The following ZNF106 variants were observed in gnomAD, a reference collection of about 807,000 sequenced individuals.
The protein encoded by ZNF106 is SH3-domain binding protein 3.
A neutral mutation model predicts 195.1 loss-of-function variants in ZNF106; 67 were observed. The ratio of observed to expected loss-of-function variants is 0.34; its 90% CI spans 0.28 to 0.42. The LOEUF (loss-of-function observed/expected upper bound fraction) is 0.42. Among genes scored for constraint, ZNF106 ranks in the 10% least tolerant of loss-of-function variants. The pLI is 1.00. For synonymous variants in ZNF106, 784 were observed against 818.6 expected, an observed-to-expected ratio of 0.96 and a Z score of 0.72; for missense variants, 2,118 against 2,304.5, an observed-to-expected ratio of 0.92 and a Z score of 1.66.
At chr15:42,490,028 A>T (rs190357786) in intron 1 of ZNF106, among the ~76,000 whole-genome samples, 270 of 152,026 alleles carry the variant, frequency 1.8e-3, no homozygotes, top group African/African-American at 6.3e-3. Context: ...GAAAGAGCGA[A>T]ACTCCGTCCT....
At chr15:42,452,826 C>T (rs944363628) in intron 4 of ZNF106, among the ~76,000 whole-genome samples, 1 of 151,612 alleles carries the variant, frequency 6.6e-6, no homozygotes, top group African/African-American at 2.4e-5. Context: ...GCTGGGATTA[C>T]AGGCATGCGC....
At chr15:42,422,747 A>G in intron 17 of ZNF106, 127 bp from the exon 18 acceptor site, 2 of 970,696 alleles carry the variant, frequency 2.1e-6, no homozygotes, top group East Asian at 2.9e-5. Flanking sequence ...AATTAATTGT[A>G]TTAACTGTAC....
intron 1 of ZNF106, among the ~76,000 whole-genome samples, chr15:42,481,955 C>T (rs1223608132): frequency 6.6e-6 from 1 of 152,100 alleles, no homozygotes; most frequent in African/African-American, 2.4e-5. Flanking sequence ...TTCTCCCTCC[C>T]AGATTTCAAT....
At chr15:42,489,982 T>G (rs4924683) in intron 1 of ZNF106, among the ~76,000 whole-genome samples, 17,276 of 152,008 alleles carry the variant, frequency 0.11, 1,205 homozygotes, top group African/African-American at 0.19. Flanking sequence ...GAGGTTGCAG[T>G]GAGCCAAGAT....
At chr15:42,467,356 G>A (rs531846416) in intron 2 of ZNF106, among the ~76,000 whole-genome samples, 5 of 152,264 alleles carry the variant, frequency 3.3e-5, no homozygotes, top group Admixed American at 1.3e-4. Flanking sequence ...TTTCTCACTT[G>A]AACTGCAAAA....
intron 2 of ZNF106, among the ~76,000 whole-genome samples, chr15:42,469,863 AAAAAAAAAG>A (rs1179596185): frequency 9.2e-5 from 14 of 151,654 alleles, no homozygotes; most frequent in African/African-American, 2.9e-4. Context: ...AACAACAAAA[AAAAAAAAAG>A]AAAAAAAAGA....
rs570844395 is a variant in ZNF106 at position 42,460,626 on chromosome 15, C to T, written c.117-3468G>A. Among the ~76,000 whole-genome samples, 11 of 152,246 alleles carry T rather than the reference C, an allele frequency of 7.2e-5. No individual in the cohort carries two copies. In the East Asian group the frequency reaches 9.6e-4, roughly 13 times the overall value. On this transcript the variant is annotated intron_variant, in intron 3 of 21. Transcript: ENST00000564754. ...CTGTAATCCCAGCACTTTGGGAGGC[C>T]GAGGCAGGCAGATCACCTGAGGTCA...
chr15:42,472,881 G>T (rs775518135), intron 1 of ZNF106, among the ~76,000 whole-genome samples: 1 of 151,852 alleles, frequency 6.6e-6, no homozygotes, highest in African/African-American at 2.4e-5. Flanking sequence ...GTGGTGGCAG[G>T]TGCCTGTAAT....
At position 42,451,363 on chromosome 15, in the gene ZNF106, C is replaced by A. The variant is rs1165881658; in HGVS notation, c.909G>T (p.Trp303Cys). Residue 303 changes from tryptophan (W) to cysteine (C), a missense_variant, in exon 5 of 22, where the codon TGG becomes TGT. Transcript: ENST00000564754. ...SNKYSHDRYNWQRQENDKLGT... is the reference protein window; with the variant it reads ...SNKYSHDRYNCQRQENDKLGT... Reference sequence around the variant, plus strand: ...CAAGTTTGTCATTTTCTTGCCGCTGCCAATTATATCTGTCGTGACTGTATT... The same window carrying A: ...CAAGTTTGTCATTTTCTTGCCGCTGACAATTATATCTGTCGTGACTGTATT... 1 of 1,613,618 alleles carries A rather than the reference C, an allele frequency of 6.2e-7. No homozygotes were observed. The highest frequency in any genetic ancestry group is 8.5e-7 in the Non-Finnish European group (1 of 1,179,714).
intron 3 of ZNF106, among the ~76,000 whole-genome samples, chr15:42,464,108 G>A (rs1247091817): frequency 2.7e-5 from 4 of 147,766 alleles, no homozygotes; most frequent in African/African-American, 4.9e-5. Flanking sequence ...TTGGGAGGCC[G>A]AGGCGGGCAG....
intron 5 of ZNF106, 26 bp downstream of exon 5, chr15:42,449,745 A>C: frequency 6.4e-7 from 1 of 1,574,114 alleles, no homozygotes; most frequent in Non-Finnish European, 8.6e-7. Flanking sequence ...GTGAGGAAAA[A>C]AAAGACACCG....
intron 1 of ZNF106, among the ~76,000 whole-genome samples, chr15:42,486,311 G>A (rs1164334847): frequency 1.3e-5 from 2 of 151,700 alleles, no homozygotes; most frequent in Non-Finnish European, 2.9e-5. Flanking sequence ...CTGGGGTAGA[G>A]TGCAGGGGCA....
chr15:42,460,182 C>T (rs2056355640), intron 3 of ZNF106, among the ~76,000 whole-genome samples: 2 of 152,086 alleles, frequency 1.3e-5, no homozygotes, highest in African/African-American at 4.8e-5. Flanking sequence ...CTATTGGGGA[C>T]TTTAGTATAA....
intron 3 of ZNF106, 95 bp downstream of exon 3, chr15:42,465,957 GC>G: frequency 1.0e-6 from 1 of 974,134 alleles, no homozygotes; most frequent in East Asian, 2.7e-5. Context: ...GACAACATTT[GC>G]TTTTGACGGA....
chr15:42,472,530 T>C (rs1323437313), intron 1 of ZNF106, among the ~76,000 whole-genome samples: 1 of 152,088 alleles, frequency 6.6e-6, no homozygotes, highest in Non-Finnish European at 1.5e-5. Flanking sequence ...ATTAGGAAAT[T>C]GTCAGACCTA....
intron 4 of ZNF106, 73 bp downstream of exon 4, chr15:42,456,885 T>C (rs2056243118): frequency 1.4e-6 from 2 of 1,406,270 alleles, no homozygotes; most frequent in African/African-American, 2.9e-5. Flanking sequence ...GGCTGACCAG[T>C]ACAAAGATAT....
chr15:42,435,326 C>A, intron 14 of ZNF106, 58 bp downstream of exon 14: 2 of 1,608,732 alleles, frequency 1.2e-6, no homozygotes, highest in South Asian at 1.1e-5. Context: ...CCACTCCACA[C>A]AGTAAATACA....
In ZNF106 at chr15:42,435,429, A is replaced by G. The variant is rs1251799125; in HGVS notation, c.4836T>C (p.Leu1612=). The change falls in exon 14 of 22, where the codon CTT becomes CTC. Residue 1612 remains leucine, a synonymous_variant. Coordinates refer to ENST00000564754, the MANE Select transcript of ZNF106 (RefSeq NM_001366845.3). ...TGGTATGGTCACTGGACCCGGTGTA[A>G]AGGGCAGCATTCTTCCCGGAGGTCT... is the stretch of plus-strand genomic sequence containing the variant. The part of the protein sequence containing the change: ...VTQTSGKNAA[L]YTGSSDHTIR... The G allele has an allele frequency of 6.2e-7, 1 of 1,614,062 alleles. No homozygotes were observed. Among genetic ancestry groups the G allele is most frequent in the African/African-American group, 1.3e-5 (1 of 74,910 alleles).
At chr15:42,474,818 A>G (rs529010205) in intron 1 of ZNF106, among the ~76,000 whole-genome samples, 1 of 152,324 alleles carries the variant, frequency 6.6e-6, no homozygotes, top group South Asian at 2.1e-4. Context: ...TTACTCTTTC[A>G]TAATCCTCTG....
Sources: allele counts gnomAD v4.1 joint callset (sites outside exome capture counted in the v4.1 genomes callset), GRCh38; gene constraint gnomAD v4.1.1; transcripts MANE v1.5; gene names NCBI Gene and HGNC (gene_info 2026-07-23, HGNC 2026-07-21).